GTF2I: variants seen among roughly 807,000 people sequenced by gnomAD.
GTF2I encodes the protein general transcription factor IIi.
GTF2I carries 12 observed loss-of-function variants against 67.6 expected under a neutral mutation model. That is an observed-to-expected ratio of 0.18 (90% CI 0.11 to 0.29). The LOEUF (loss-of-function observed/expected upper bound fraction) is 0.29, where lower values mean the gene tolerates loss of function less well. Among genes scored for constraint, GTF2I ranks in the 10% least tolerant of loss-of-function variants. The pLI is 1.00. For synonymous variants in GTF2I, 149 were observed against 197.0 expected, an observed-to-expected ratio of 0.76 and a Z score of 2.04; for missense variants, 271 against 580.1, an observed-to-expected ratio of 0.47 and a Z score of 5.47.
intron 1 of GTF2I, among the ~76,000 whole-genome samples, chr7:74,673,958 C>A (rs782435620): frequency 2.2e-4 from 33 of 151,696 alleles, no homozygotes; most frequent in Non-Finnish European, 4.1e-4. Flanking sequence ...GGATTACAAG[C>A]GTGAGCCACC....
At chr7:74,708,218 G>A (rs1159586646) in intron 8 of GTF2I, among the ~76,000 whole-genome samples, 2 of 152,110 alleles carry the variant, frequency 1.3e-5, no homozygotes, top group Admixed American at 6.5e-5. Context: ...GAGGAGAATC[G>A]TTTGAACTCA....
rs587655677 is a variant in GTF2I at position 74,685,491 on chromosome 7, T to C, written c.-5-3633T>C. The stretch of plus-strand genomic sequence containing the variant: ...CAGCCTGGGCAACAAAGCAAGACCC[T>C]GTCTCAAAACAAAAACAAAAGGCCG... On this transcript the variant is annotated intron_variant, in intron 1 of 34. Coordinates refer to ENST00000573035, the MANE Select transcript of GTF2I (RefSeq NM_032999.4). 7.1e-4 allele frequency among the ~76,000 whole-genome samples: 108 copies of C among 151,730 alleles called. 1 individual carries two copies. The highest frequency in any genetic ancestry group is 3.4e-3 in the Middle Eastern group (1 of 294).
At chr7:74,698,432 G>T in intron 3 of GTF2I, among the ~76,000 whole-genome samples, 1 of 121,692 alleles carries the variant, frequency 8.2e-6, no homozygotes, top group East Asian at 2.5e-4. Context: ...AAGAGACACA[G>T]TCTCTATCCA....
chr7:74,697,869 A>G (rs587674462), intron 3 of GTF2I, among the ~76,000 whole-genome samples: 1 of 151,034 alleles, frequency 6.6e-6, no homozygotes, highest in East Asian at 2.0e-4. Flanking sequence ...CCCGGGTTCA[A>G]GCAATTCTCC....
At chr7:74,680,791 G>T (rs915977527) in intron 1 of GTF2I, among the ~76,000 whole-genome samples, 2 of 152,122 alleles carry the variant, frequency 1.3e-5, no homozygotes, top group Admixed American at 6.6e-5. Flanking sequence ...TAACAGCAAG[G>T]AATCAGATAA....
chr7:74,732,347 C>T, intron 14 of GTF2I, 132 bp from the exon 15 acceptor site: 2 of 1,204,092 alleles, frequency 1.7e-6, no homozygotes, highest in South Asian at 4.3e-5. Context: ...GCACTGCAGC[C>T]TGGGAGACAC....
chr7:74,719,005 C>A, intron 12 of GTF2I, 64 bp downstream of exon 12: 1 of 801,110 alleles, frequency 1.2e-6, no homozygotes, highest in Non-Finnish European at 2.0e-6. Context: ...TTGTCACATT[C>A]ACATTGCTAA....
chr7:74,690,534 C>T (rs1262288604), intron 2 of GTF2I, among the ~76,000 whole-genome samples: 3 of 152,070 alleles, frequency 2.0e-5, no homozygotes, highest in African/African-American at 4.8e-5. Context: ...AGACCCCCAC[C>T]CTCCTTTTGT....
At chr7:74,722,695 G>C (rs1473931551) in intron 12 of GTF2I, 1 of 151,954 alleles carries the variant, frequency 6.6e-6, no homozygotes, top group East Asian at 1.9e-4. Flanking sequence ...CTCATATTTT[G>C]AAAGGTATAT....
At chr7:74,670,699 C>CA (rs1168333438) in intron 1 of GTF2I, among the ~76,000 whole-genome samples, 305 of 91,014 alleles carry the variant, frequency 3.4e-3, no homozygotes, top group South Asian at 6.1e-3. Context: ...CAAAAAAAAA[C>CA]AAAAAAAAAA....
chr7:74,660,341 G>GC (rs1554385952), intron 1 of GTF2I, among the ~76,000 whole-genome samples: 1 of 150,638 alleles, frequency 6.6e-6, no homozygotes, highest in African/African-American at 2.4e-5. Flanking sequence ...ACAGGCGCCT[G>GC]CCCCCAAGCC....
intron 22 of GTF2I, 166 bp downstream of exon 22, chr7:74,746,107 T>TA (rs1795407539): frequency 2.7e-4 from 33 of 122,126 alleles, no homozygotes; most frequent in Middle Eastern, 4.3e-3. Context: ...TTTTTTTTTT[T>TA]TAAAAAAACA....
intron 1 of GTF2I, among the ~76,000 whole-genome samples, chr7:74,667,283 C>T (rs368161493): frequency 1.3e-5 from 2 of 152,184 alleles, no homozygotes; most frequent in South Asian, 4.2e-4. Flanking sequence ...GTGGAGGTTA[C>T]AGTGTACCGA....
At chr7:74,689,570 G>A (rs1033885889) in intron 2 of GTF2I, among the ~76,000 whole-genome samples, 12 of 151,634 alleles carry the variant, frequency 7.9e-5, no homozygotes, top group Non-Finnish European at 1.5e-4. Context: ...TGGCCAGGCC[G>A]GTCTCGAACT....
At chr7:74,669,339 G>T (rs1018223616) in intron 1 of GTF2I, among the ~76,000 whole-genome samples, 1 of 149,388 alleles carries the variant, frequency 6.7e-6, no homozygotes, top group African/African-American at 2.5e-5. Flanking sequence ...AGCGATTCTG[G>T]TGCCTCAGCC....
chr7:74,700,607 C>G lies in GTF2I; in HGVS notation c.559C>G (p.Pro187Ala). Residue 187 changes from proline (P) to alanine (A), a missense_variant and splice_region_variant, in exon 6 of 35, where the codon CCT becomes GCT. Transcript: ENST00000573035. ...TTGTTTTGTTTTGTTTTAATGCAGA[C>G]CTTTTTTAGAGCCAAAGAAGCATGT... The part of the protein sequence containing the change: ...KAGISFIIKR[P>A]FLEPKKHVGG... The G allele has an allele frequency of 6.2e-7, 1 of 1,613,982 alleles. No homozygotes were observed. Among genetic ancestry groups the G allele is most frequent in the Non-Finnish European group, 8.5e-7 (1 of 1,179,880 alleles).
intron 11 of GTF2I, among the ~76,000 whole-genome samples, chr7:74,718,154 G>C (rs1430990189): frequency 6.6e-6 from 1 of 152,218 alleles, no homozygotes; most frequent in East Asian, 1.9e-4. Flanking sequence ...CATTTTTACT[G>C]TCATATTCCA....
Position 74,716,923 on chromosome 7 carries a change from G to C in GTF2I, c.853G>C (p.Gly285Arg). 1.2e-6 allele frequency: 2 copies of C among 1,608,054 alleles called. No individual in the cohort carries two copies. Among genetic ancestry groups the C allele is most frequent in the Non-Finnish European group, 1.7e-6 (2 of 1,176,842 alleles). The part of the protein sequence containing the change: ...GSHHSSEGNE[G>R]TEMEVPAEDS... The stretch of plus-strand genomic sequence containing the variant: ...CCACCATTCTTCAGAGGGCAATGAA[G>C]GCACAGAAATGGAAGTACCAGCAGA... Residue 285 changes from glycine (G) to arginine (R), a missense_variant, in exon 11 of 35, where the codon GGC becomes CGC. Gly to Arg is a moderately radical substitution (Grantham distance 125). This residue lies in a region of GTF2I where 124 missense variants were observed against 147.0 expected (regional missense o/e 0.84). Transcript: ENST00000573035.
intron 6 of GTF2I, 95 bp downstream of exon 6, chr7:74,700,729 A>G: frequency 8.4e-7 from 1 of 1,188,288 alleles, no homozygotes; most frequent in South Asian, 1.3e-5. Context: ...GTCTTTGAGA[A>G]TATGATGTCA....
Sources: gnomAD v4.1 joint callset for allele counts (sites outside exome capture counted in the v4.1 genomes callset) on GRCh38, gnomAD v4.1.1 for gene constraint, gnomAD v4.1.1 regional missense constraint, MANE v1.5 for transcripts, NCBI Gene and HGNC (gene_info 2026-07-23, HGNC 2026-07-21) for gene names.